RSRC1: variants seen among roughly 807,000 people sequenced by gnomAD.
The protein encoded by RSRC1 is arginine and serine rich coiled-coil 1, also known as serine/Arginine-related protein 53.
In RSRC1, 39 loss-of-function variants were observed where a neutral mutation model predicts 49.1. The observed-to-expected ratio is 0.79, with a 90% CI of 0.61 to 1.04. The LOEUF (loss-of-function observed/expected upper bound fraction) is 1.04, where lower values mean the gene tolerates loss of function less well. RSRC1 is among the 50% of genes least tolerant of loss of function. The pLI, the probability that RSRC1 is intolerant of heterozygous loss-of-function variation, is 0.00. For synonymous variants in RSRC1, 143 were observed against 130.8 expected (o/e 1.09, Z -0.63); for missense variants, 388 against 402.4 (o/e 0.96, Z 0.31).
intron 7 of RSRC1, among the ~76,000 whole-genome samples, chr3:158,512,433 G>A (rs1461967455): frequency 1.0e-4 from 15 of 149,910 alleles, no homozygotes; most frequent in Admixed American, 4.0e-4. Flanking sequence ...GTAGATATGC[G>A]GCGTTATTTC....
intron 6 of RSRC1, among the ~76,000 whole-genome samples, chr3:158,385,745 T>C (rs983063373): frequency 6.6e-6 from 1 of 152,190 alleles, no homozygotes; most frequent in African/African-American, 2.4e-5. Context: ...TCATTTGTAA[T>C]CATGAGCTGA....
At chr3:158,265,780 G>A (rs1725138444) in intron 4 of RSRC1, among the ~76,000 whole-genome samples, 1 of 151,966 alleles carries the variant, frequency 6.6e-6, no homozygotes, top group African/African-American at 2.4e-5. Flanking sequence ...CTTAATGTTT[G>A]CTAAAACCTG....
At chr3:158,338,612 G>T (rs1191538331) in intron 5 of RSRC1, among the ~76,000 whole-genome samples, 1 of 152,172 alleles carries the variant, frequency 6.6e-6, no homozygotes, top group Non-Finnish European at 1.5e-5. Flanking sequence ...TTTTTAGATG[G>T]TGCTCACAAC....
At chr3:158,325,119 T>A (rs1412277329) in intron 5 of RSRC1, among the ~76,000 whole-genome samples, 1 of 152,258 alleles carries the variant, frequency 6.6e-6, no homozygotes, top group Non-Finnish European at 1.5e-5. Context: ...TTGTAGATTC[T>A]GGATATTAGC....
At chr3:158,329,277 C>T (rs891582616) in intron 5 of RSRC1, among the ~76,000 whole-genome samples, 1 of 152,194 alleles carries the variant, frequency 6.6e-6, no homozygotes, top group Non-Finnish European at 1.5e-5. Context: ...CCATTACTTG[C>T]GAGGAGCTAC....
intron 3 of RSRC1, among the ~76,000 whole-genome samples, chr3:158,158,484 C>T (rs1718016010): frequency 6.6e-6 from 1 of 152,170 alleles, no homozygotes; most frequent in African/African-American, 2.4e-5. Context: ...AGACAGCGAA[C>T]TATCTGCATT....
chr3:158,214,452 A>T (rs1209084732), intron 4 of RSRC1, among the ~76,000 whole-genome samples: 2 of 150,338 alleles, frequency 1.3e-5, no homozygotes, highest in Non-Finnish European at 3.0e-5. Context: ...GTTCTTTATT[A>T]TTTTTTTTCT....
At chr3:158,426,660 A>AG (rs1218306342) in intron 6 of RSRC1, among the ~76,000 whole-genome samples, 1 of 151,822 alleles carries the variant, frequency 6.6e-6, no homozygotes, top group Non-Finnish European at 1.5e-5. Context: ...TTTTTAAAAA[A>AG]AATTGAAAAG....
chr3:158,132,217 C>G (rs1438624512), intron 3 of RSRC1: 1 of 398,352 alleles, frequency 2.5e-6, no homozygotes, highest in South Asian at 1.9e-5. Flanking sequence ...AATTCCTGAG[C>G]TCAAGCGATC....
At position 158,396,577 on chromosome 3, in the gene RSRC1, A is replaced by T. The variant is rs1252772058; in HGVS notation, c.583+41669A>T. On this transcript the variant is annotated intron_variant, in intron 6 of 9. Transcript: ENST00000611884. ...TGCTAGTAGTCTGAAACAAGTTCACATCACAATATTTTTAAGTCAGTGTAT... is the reference window on the plus strand; with the variant it reads ...TGCTAGTAGTCTGAAACAAGTTCACTTCACAATATTTTTAAGTCAGTGTAT... 2.6e-5 allele frequency among the ~76,000 whole-genome samples: 4 copies of T among 152,158 alleles called. 1 individual carries two copies. The South Asian group carries it at 8.3e-4, about 32-fold the overall frequency.
intron 4 of RSRC1, among the ~76,000 whole-genome samples, chr3:158,251,354 A>C (rs1458228460): frequency 1.3e-5 from 2 of 152,122 alleles, no homozygotes; most frequent in Non-Finnish European, 2.9e-5. Context: ...TTCTTCAAAA[A>C]ATTTCATTGG....
intron 5 of RSRC1, among the ~76,000 whole-genome samples, chr3:158,331,462 A>G (rs1169158477): frequency 6.6e-6 from 1 of 152,112 alleles, no homozygotes; most frequent in Non-Finnish European, 1.5e-5. Context: ...CTGTTTTGCC[A>G]TTTTATTTTA....
At chr3:158,331,668 A>G (rs1195984900) in intron 5 of RSRC1, among the ~76,000 whole-genome samples, 1 of 152,092 alleles carries the variant, frequency 6.6e-6, no homozygotes, top group Non-Finnish European at 1.5e-5. Context: ...ATTAAGTATC[A>G]GTATTTCATA....
chr3:158,475,476 A>G (rs956661559), intron 7 of RSRC1, among the ~76,000 whole-genome samples: 1 of 152,150 alleles, frequency 6.6e-6, no homozygotes, highest in African/African-American at 2.4e-5. Flanking sequence ...CCTGCATTGA[A>G]CAAGTCTGTT....
chr3:158,477,675 T>G (rs186576192), intron 7 of RSRC1, among the ~76,000 whole-genome samples: 2 of 151,596 alleles, frequency 1.3e-5, no homozygotes, highest in African/African-American at 4.8e-5. Flanking sequence ...CAGTACTTGC[T>G]TTAGTGTGAT....
intron 5 of RSRC1, among the ~76,000 whole-genome samples, chr3:158,331,785 A>G (rs529088573): frequency 1.3e-5 from 2 of 151,480 alleles, no homozygotes; most frequent in South Asian, 4.2e-4. Context: ...AAAAACCTGA[A>G]TAAGATTACA....
chr3:158,139,581 T>G (rs1172478152), intron 3 of RSRC1, among the ~76,000 whole-genome samples: 1 of 152,126 alleles, frequency 6.6e-6, no homozygotes, highest in Non-Finnish European at 1.5e-5. Flanking sequence ...ATAAACTGCA[T>G]TCACAGAGAC....
At chr3:158,523,002 A>G (rs1302872833) in intron 7 of RSRC1, among the ~76,000 whole-genome samples, 2 of 152,136 alleles carry the variant, frequency 1.3e-5, no homozygotes. Context: ...ATAAAGTAAC[A>G]TGAACATGAC....
intron 7 of RSRC1, among the ~76,000 whole-genome samples, chr3:158,508,389 C>A (rs563807401): frequency 6.6e-6 from 1 of 151,898 alleles, no homozygotes; most frequent in Non-Finnish European, 1.5e-5. Context: ...TGTCTCTACC[C>A]TCTCTCTATA....
Sources: gnomAD v4.1 joint callset for allele counts (sites outside exome capture counted in the v4.1 genomes callset) on GRCh38, gnomAD v4.1.1 for gene constraint, MANE v1.5 for transcripts, NCBI Gene and HGNC (gene_info 2026-07-23, HGNC 2026-07-21) for gene names.